The following WWOX variants were observed in gnomAD, a reference collection of about 807,000 sequenced individuals.
WWOX encodes the protein WW domain-containing oxidoreductase.
A neutral mutation model predicts 46.2 loss-of-function variants in WWOX; 69 were observed. The ratio of observed to expected loss-of-function variants is 1.49; its 90% CI spans 1.23 to 1.82. The LOEUF (loss-of-function observed/expected upper bound fraction) is 1.82, where lower values mean the gene tolerates loss of function less well. WWOX is among the 40% of genes most tolerant of loss of function. The pLI is 0.00. For synonymous variants in WWOX, 359 were observed against 202.6 expected, an observed-to-expected ratio of 1.77 and a Z score of -6.56; for missense variants, 919 against 542.6, an observed-to-expected ratio of 1.69 and a Z score of -6.89.
At chr16:78,944,173 A>T (rs374320912) in intron 8 of WWOX, among the ~76,000 whole-genome samples, 1 of 152,122 alleles carries the variant, frequency 6.6e-6, no homozygotes, top group Admixed American at 6.5e-5. Flanking sequence ...TTGTCTTTCA[A>T]GACTCAGCAC....
intron 5 of WWOX, among the ~76,000 whole-genome samples, chr16:78,198,237 T>C (rs141317734): frequency 5.1e-4 from 77 of 152,188 alleles, no homozygotes; most frequent in African/African-American, 1.6e-3. Flanking sequence ...CATTTTTACA[T>C]AGGACATCCC....
At chr16:78,397,291 A>G (rs1253388644) in intron 6 of WWOX, among the ~76,000 whole-genome samples, 1 of 151,942 alleles carries the variant, frequency 6.6e-6, no homozygotes, top group South Asian at 2.1e-4. Flanking sequence ...TATAATGATG[A>G]TAATAATTGC....
intron 8 of WWOX, among the ~76,000 whole-genome samples, chr16:78,785,895 A>G (rs541736921): frequency 8.0e-4 from 122 of 152,152 alleles, no homozygotes; most frequent in Middle Eastern, 3.4e-3. Context: ...ATTTGAGTTA[A>G]TATTTCTTTT....
At chr16:78,918,610 G>C (rs1240304600) in intron 8 of WWOX, among the ~76,000 whole-genome samples, 1 of 152,130 alleles carries the variant, frequency 6.6e-6, no homozygotes, top group Non-Finnish European at 1.5e-5. Flanking sequence ...TTCCTGGCAG[G>C]ATTTGTATTC....
chr16:78,666,602 G>A (rs2047337948), intron 8 of WWOX, among the ~76,000 whole-genome samples: 1 of 152,148 alleles, frequency 6.6e-6, no homozygotes. Flanking sequence ...GTCGCATGTG[G>A]GCCTGGAGTC....
chr16:79,063,173 G>A (rs1019188477), intron 8 of WWOX, among the ~76,000 whole-genome samples: 5 of 152,146 alleles, frequency 3.3e-5, no homozygotes, highest in African/African-American at 1.2e-4. Context: ...AGAAGGAGTG[G>A]GATAGGAAAT....
intron 8 of WWOX, among the ~76,000 whole-genome samples, chr16:78,439,158 A>G (rs1016537054): frequency 1.3e-5 from 2 of 152,224 alleles, no homozygotes; most frequent in Non-Finnish European, 2.9e-5. Flanking sequence ...GAGGGTGTAT[A>G]AAACAGGCTT....
intron 8 of WWOX, among the ~76,000 whole-genome samples, chr16:78,651,390 T>C (rs1427211086): frequency 6.6e-6 from 1 of 152,190 alleles, no homozygotes; most frequent in African/African-American, 2.4e-5. Context: ...TCAGGTTGAA[T>C]ACAAGCAGCT....
intron 8 of WWOX, among the ~76,000 whole-genome samples, chr16:78,914,094 G>A (rs2045183083): frequency 6.6e-6 from 1 of 152,064 alleles, no homozygotes; most frequent in Admixed American, 6.6e-5. Flanking sequence ...TCATTCTGAT[G>A]TAGGGAGGAT....
chr16:79,102,306 T>C (rs1030570386), intron 8 of WWOX, among the ~76,000 whole-genome samples: 7 of 152,168 alleles, frequency 4.6e-5, no homozygotes, highest in African/African-American at 1.7e-4. Context: ...GGTGTTTGAC[T>C]CTAGGACTCA....
intron 8 of WWOX, among the ~76,000 whole-genome samples, chr16:78,742,899 G>C (rs2049263799): frequency 6.6e-6 from 1 of 152,148 alleles, no homozygotes; most frequent in Non-Finnish European, 1.5e-5. Flanking sequence ...CAAGGAAAGG[G>C]CCACTTCCTG....
chr16:78,590,877 T>C (rs1256850755), intron 8 of WWOX, among the ~76,000 whole-genome samples: 3 of 152,160 alleles, frequency 2.0e-5, no homozygotes, highest in Non-Finnish European at 4.4e-5. Context: ...CTCCAGCGTT[T>C]AGACAACACC....
At chr16:78,373,115 C>A (rs1167399098) in intron 5 of WWOX, among the ~76,000 whole-genome samples, 1 of 152,102 alleles carries the variant, frequency 6.6e-6, no homozygotes, top group Non-Finnish European at 1.5e-5. Context: ...GAACACATCT[C>A]TTTCTTGTAA....
intron 8 of WWOX, among the ~76,000 whole-genome samples, chr16:78,661,644 AGGTGGGGAGGG>A (rs2047215797): frequency 4.1e-5 from 1 of 24,646 alleles, no homozygotes; most frequent in Non-Finnish European, 7.9e-5. Context: ...TGTTGCTGAG[AGGTGGGGAGGG>A]GGTGGGGGCT....
At chr16:78,285,861 C>A (rs527804701) in intron 5 of WWOX, among the ~76,000 whole-genome samples, 2 of 152,298 alleles carry the variant, frequency 1.3e-5, no homozygotes, top group South Asian at 4.1e-4. Flanking sequence ...CATCAAAGAA[C>A]AAGCTTTCTG....
At chr16:78,618,252 T>A (rs543542092) in intron 8 of WWOX, among the ~76,000 whole-genome samples, 109 of 152,348 alleles carry the variant, frequency 7.2e-4, no homozygotes, top group African/African-American at 2.5e-3. Context: ...CTGACGCAGT[T>A]CTCACTCTGG....
chr16:79,135,707 C>G (rs145402621), intron 8 of WWOX, among the ~76,000 whole-genome samples: 45 of 152,292 alleles, frequency 3.0e-4, no homozygotes, highest in African/African-American at 9.6e-4. Flanking sequence ...GTGTAACACA[C>G]AGATGCTGAT....
chr16:78,796,447 C>T (rs762376026), intron 8 of WWOX, among the ~76,000 whole-genome samples: 2 of 152,350 alleles, frequency 1.3e-5, no homozygotes, highest in East Asian at 1.9e-4. Flanking sequence ...AGAATTCAGT[C>T]ACATGATCAC....
chr16:78,936,620 G>A (rs1387888386), intron 8 of WWOX, among the ~76,000 whole-genome samples: 1 of 152,114 alleles, frequency 6.6e-6, no homozygotes, highest in Non-Finnish European at 1.5e-5. Context: ...TCCACAGGCT[G>A]GATGGGTTTT....
Sources: allele counts gnomAD v4.1 joint callset (sites outside exome capture counted in the v4.1 genomes callset), GRCh38; gene constraint gnomAD v4.1.1; transcripts MANE v1.5; gene names NCBI Gene and HGNC (gene_info 2026-07-23, HGNC 2026-07-21).